The following ASTN1 variants were observed in gnomAD, a reference collection of about 807,000 sequenced individuals.
ASTN1 encodes the protein astrotactin-1.
A neutral mutation model predicts 140.7 loss-of-function variants in ASTN1; 41 were observed. The observed-to-expected ratio is 0.29, with a 90% CI of 0.23 to 0.38. ASTN1 has a LOEUF of 0.38. Ranked by LOEUF, ASTN1 falls within the 10% of genes least tolerant of loss-of-function variation. The probability of loss-of-function intolerance (pLI) is 1.00; values close to 1 mark genes in which losing one functional copy is unlikely to be tolerated. For synonymous variants in ASTN1, 640 were observed against 652.2 expected (o/e 0.98, Z 0.29); for missense variants, 1,479 against 1,678.8 (o/e 0.88, Z 2.08).
chr1:177,009,559 G>A (rs1167824680), intron 8 of ASTN1, among the ~76,000 whole-genome samples: 2 of 152,188 alleles, frequency 1.3e-5, no homozygotes, highest in Non-Finnish European at 2.9e-5. Context: ...CGGGTGAGAA[G>A]TAGGAAGAAG....
Position 177,032,796 on chromosome 1 carries a change from A to G in ASTN1, c.525T>C (p.Tyr175=), listed in dbSNP as rs139866407. The G allele has an allele frequency of 1.6e-5, 25 of 1,612,354 alleles. No homozygotes were observed. The African/African-American group carries it at 2.0e-4, about 13-fold the overall frequency. Residue 175 remains tyrosine, a synonymous_variant, in exon 3 of 23, where the codon TAT becomes TAC. Transcript: ENST00000361833. ...LSILCLVMIL[Y]TRRRWCKRRR... ...GGCGTTTGCACCAGCGCCGGCGAGT[A>G]TACAGGATCATCACCAGGCACAAGA...
intron 8 of ASTN1, among the ~76,000 whole-genome samples, chr1:176,981,094 C>A (rs1402668924): frequency 6.6e-6 from 1 of 151,300 alleles, no homozygotes; most frequent in Admixed American, 6.6e-5. Context: ...TGCCTGTAAT[C>A]CCAGCTACTA....
At chr1:176,915,402 C>T (rs987733788) in intron 16 of ASTN1, among the ~76,000 whole-genome samples, 1 of 152,190 alleles carries the variant, frequency 6.6e-6, no homozygotes, top group Non-Finnish European at 1.5e-5. Context: ...CCCTCCTCCC[C>T]TCCTTGCATC....
Position 176,933,919 on chromosome 1 carries a change from T to A in ASTN1, c.2671+233A>T, listed in dbSNP as rs192978376. Among the ~76,000 whole-genome samples the A allele has an allele frequency of 1.4e-4, 21 of 152,288 alleles. No individual in the cohort carries two copies. The East Asian group carries it at 3.9e-3, about 28-fold the overall frequency. On this transcript the variant is annotated intron_variant, in intron 16 of 22. Transcript: ENST00000361833. ...AGGACTCTGTCTGTGATAACTAACA[T>A]AGTAAGCTTACAGTGTTGACCCCAT... is the stretch of plus-strand genomic sequence containing the variant.
intron 16 of ASTN1, among the ~76,000 whole-genome samples, chr1:176,909,128 C>T (rs895690707): frequency 4.6e-5 from 7 of 152,196 alleles, no homozygotes; most frequent in African/African-American, 7.2e-5. Flanking sequence ...CTGACAGCAT[C>T]GAGTTGGGTG....
chr1:176,900,278 C>A (rs12742167), intron 16 of ASTN1, among the ~76,000 whole-genome samples: 11,131 of 152,174 alleles, frequency 0.073, 646 homozygotes, highest in African/African-American at 0.16. Flanking sequence ...GCTTGGACAT[C>A]TACTTATATG....
intron 8 of ASTN1, among the ~76,000 whole-genome samples, chr1:176,990,768 G>A (rs560530335): frequency 3.3e-5 from 5 of 152,120 alleles, no homozygotes; most frequent in Non-Finnish European, 7.4e-5. Context: ...AATCAGGCAA[G>A]GAAAGCCTTC....
rs201509586 is a variant in ASTN1 at position 176,945,937 on chromosome 1, T to C, written c.2238A>G (p.Lys746=). Reference sequence around the variant, plus strand: ...TATATGAGGTTTACCTGAATGTTCCTTTCAGCACCTGTCCGGCAGCCACTT... The same window carrying C: ...TATATGAGGTTTACCTGAATGTTCCCTTCAGCACCTGTCCGGCAGCCACTT... ...SKEVAAGQVL[K]GTFRQNNFAR... The change falls in exon 13 of 23, where the codon AAA becomes AAG. Residue 746 remains lysine (K), a synonymous_variant. Transcript: ENST00000361833. 1.2e-6 allele frequency: 2 copies of C among 1,610,876 alleles called. No individual in the cohort carries two copies. The highest frequency in any genetic ancestry group is 1.7e-6 in the Non-Finnish European group (2 of 1,177,932).
intron 14 of ASTN1, among the ~76,000 whole-genome samples, chr1:176,937,871 T>G (rs1012865876): frequency 6.6e-6 from 1 of 152,180 alleles, no homozygotes; most frequent in African/African-American, 2.4e-5. Context: ...CTAAATCAAC[T>G]AATTTAATGC....
intron 2 of ASTN1, among the ~76,000 whole-genome samples, chr1:177,033,548 T>A (rs987219605): frequency 1.3e-5 from 2 of 152,178 alleles, no homozygotes; most frequent in Admixed American, 1.3e-4. Flanking sequence ...CAAATCTGAA[T>A]AGAAATTTAC....
intron 16 of ASTN1, among the ~76,000 whole-genome samples, chr1:176,913,798 T>G (rs1393973658): frequency 6.6e-6 from 1 of 152,214 alleles, no homozygotes; most frequent in Non-Finnish European, 1.5e-5. Context: ...GATAAGAGAA[T>G]GTTTTACCTG....
intron 14 of ASTN1, among the ~76,000 whole-genome samples, chr1:176,940,487 C>A (rs1001757003): frequency 2.0e-5 from 3 of 152,218 alleles, no homozygotes; most frequent in Non-Finnish European, 4.4e-5. Context: ...AGGATGCTCA[C>A]TTCTAGTTAA....
chr1:176,962,356 T>A (rs1320326307), intron 9 of ASTN1, among the ~76,000 whole-genome samples: 4 of 152,198 alleles, frequency 2.6e-5, no homozygotes, highest in Non-Finnish European at 4.4e-5. Flanking sequence ...TTATCAAGGT[T>A]AGGTTGAACA....
At chr1:176,989,664 C>T (rs905559609) in intron 8 of ASTN1, among the ~76,000 whole-genome samples, 2 of 151,650 alleles carry the variant, frequency 1.3e-5, no homozygotes, top group Non-Finnish European at 2.9e-5. Flanking sequence ...AGAGAGAAGA[C>T]GAAGAAGAGA....
Position 176,957,679 on chromosome 1 carries a change from A to C in ASTN1, c.1886T>G (p.Val629Gly). 6.2e-7 allele frequency: 1 copy of C among 1,613,862 alleles called. No individual in the cohort carries two copies. Among genetic ancestry groups the C allele is most frequent in the Non-Finnish European group, 8.5e-7 (1 of 1,179,918 alleles). The change falls in exon 11 of 23, where the codon GTG becomes GGG. Residue 629 changes from valine (V) to glycine (G), a missense_variant and splice_region_variant. Val to Gly is a moderately radical substitution (Grantham distance 109). Around this residue, in one of 3 missense-constraint regions of ASTN1, gnomAD observed 729 missense variants for 860.4 expected, o/e 0.85. Transcript: ENST00000361833. ...TACTAGCTTGCAGGGCAGACCTACC[A>C]CGCAACCAGTGGAGTCCAGCTTGCG... is the stretch of plus-strand genomic sequence containing the variant. ...SDRKLDSTGC[V>G]CPSGLSPMKD...
chr1:177,104,500 G>A lies in ASTN1; in HGVS notation c.284-43235C>T, dbSNP rs150349433. ...GGACCACATGTGTTTGTGCTGTGAC[G>A]CAGGAGTCAATAAAGAGGAGATAGA... On this transcript the variant is annotated intron_variant, in intron 1 of 22. Coordinates refer to ENST00000361833, the MANE Select transcript of ASTN1 (RefSeq NM_004319.3). 3.4e-3 allele frequency among the ~76,000 whole-genome samples: 520 copies of A among 152,226 alleles called. 6 individuals are homozygous for A. The highest frequency in any genetic ancestry group is 0.012 in the African/African-American group (488 of 41,520).
At chr1:176,977,153 G>A (rs987182457) in intron 8 of ASTN1, among the ~76,000 whole-genome samples, 6 of 152,134 alleles carry the variant, frequency 3.9e-5, no homozygotes, top group Non-Finnish European at 5.9e-5. Flanking sequence ...TAAGGAAACC[G>A]GGGAAGAATA....
intron 3 of ASTN1, among the ~76,000 whole-genome samples, chr1:177,031,461 G>A (rs1289891935): frequency 2.0e-5 from 3 of 152,148 alleles, no homozygotes; most frequent in African/African-American, 7.2e-5. Flanking sequence ...AGTACCATAT[G>A]TCTACTTTGT....
In ASTN1 at chr1:177,164,494, G is replaced by A; in HGVS notation, c.183C>T (p.Ala61=). ...NDLSIMHSPS[A]SEPKLLFSVR... ...CCGAGAAGAGGAGCTTGGGCTCCGA[G>A]GCCGAGGGGCTGTGCATGATGCTCA... Residue 61 remains alanine (A), a synonymous_variant, in exon 1 of 23, where the codon GCC becomes GCT. Coordinates refer to ENST00000361833, the MANE Select transcript of ASTN1 (RefSeq NM_004319.3). 1 of 1,613,902 alleles carries A rather than the reference G, an allele frequency of 6.2e-7. No individual in the cohort carries two copies. Among genetic ancestry groups the A allele is most frequent in the Non-Finnish European group, 8.5e-7 (1 of 1,179,948 alleles).
Sources: allele counts gnomAD v4.1 joint callset (sites outside exome capture counted in the v4.1 genomes callset), GRCh38; gene constraint gnomAD v4.1.1; regional missense constraint gnomAD v4.1.1; transcripts MANE v1.5; gene names NCBI Gene and HGNC (gene_info 2026-07-23, HGNC 2026-07-21).